The following PCNX2 variants were observed in gnomAD, a reference collection of about 807,000 sequenced individuals.
PCNX2 encodes pecanex-like protein 2.
Under a neutral mutation model 223.8 loss-of-function variants are expected in PCNX2, and 168 were observed. The observed-to-expected ratio is 0.75, with a 90% CI of 0.66 to 0.85. The LOEUF (loss-of-function observed/expected upper bound fraction) is 0.85. Among genes scored for constraint, PCNX2 ranks in the 40% least tolerant of loss-of-function variants. The probability of loss-of-function intolerance (pLI) is 0.00; values close to 1 mark genes in which losing one functional copy is unlikely to be tolerated. For missense variants in PCNX2, 2,507 were observed against 2,675.5 expected (o/e 0.94, Z 1.39); for synonymous variants, 1,006 against 1,052.6 (o/e 0.96, Z 0.86).
chr1:233,100,816 A>G (rs1674445936), intron 21 of PCNX2, among the ~76,000 whole-genome samples: 1 of 152,188 alleles, frequency 6.6e-6, no homozygotes, highest in African/African-American at 2.4e-5. Context: ...AATCCCACTC[A>G]TCACCTTTTC....
At chr1:233,228,710 CA>C (rs1285128857) in intron 9 of PCNX2, among the ~76,000 whole-genome samples, 1 of 152,244 alleles carries the variant, frequency 6.6e-6, no homozygotes, top group Non-Finnish European at 1.5e-5. Flanking sequence ...ACTAATCTGT[CA>C]ATGGATATTG....
intron 32 of PCNX2, among the ~76,000 whole-genome samples, chr1:232,997,102 G>T (rs139664589): frequency 6.6e-6 from 1 of 151,956 alleles, no homozygotes; most frequent in Non-Finnish European, 1.5e-5. Flanking sequence ...CCCCTGCCCC[G>T]CCTTTTTCCC....
intron 28 of PCNX2, 85 bp downstream of exon 28, chr1:233,014,580 A>G: frequency 9.5e-7 from 1 of 1,056,274 alleles, no homozygotes; most frequent in Non-Finnish European, 1.4e-6. Context: ...CAGCTTCAAA[A>G]TAAAGGAAAT....
At chr1:233,233,856 C>G (rs1658223315) in intron 9 of PCNX2, among the ~76,000 whole-genome samples, 2 of 152,040 alleles carry the variant, frequency 1.3e-5, no homozygotes. Context: ...AGCACACCTG[C>G]TTTCAGCCTC....
At chr1:233,032,348 C>A (rs917294228) in intron 25 of PCNX2, among the ~76,000 whole-genome samples, 1 of 152,154 alleles carries the variant, frequency 6.6e-6, no homozygotes. Flanking sequence ...GGTGATCCAC[C>A]CACCTCGGCC....
intron 4 of PCNX2, chr1:233,259,893 G>A (rs1378612440): frequency 1.2e-6 from 1 of 823,914 alleles, no homozygotes; most frequent in Admixed American, 6.2e-5. Flanking sequence ...CAAATGAAAA[G>A]CAATACAGTA....
At chr1:233,002,147 C>A (rs1314313411) in intron 28 of PCNX2, among the ~76,000 whole-genome samples, 1 of 151,950 alleles carries the variant, frequency 6.6e-6, no homozygotes, top group Non-Finnish European at 1.5e-5. Flanking sequence ...TTGGATTCAA[C>A]CACAATATGG....
At chr1:233,054,737 C>G (rs563944781) in intron 24 of PCNX2, 10 of 295,820 alleles carry the variant, frequency 3.4e-5, no homozygotes, top group African/African-American at 2.2e-4. Context: ...ATATATAATA[C>G]AAACAATCAT....
At chr1:233,297,415 T>C (rs1369780152), upstream of PCNX2, among the ~76,000 whole-genome samples, 1 of 152,236 alleles carries the variant, frequency 6.6e-6, no homozygotes, top group Non-Finnish European at 1.5e-5. Flanking sequence ...CTGCCTGTTA[T>C]CATATTGTAG....
chr1:233,020,851 A>G (rs188841830), intron 26 of PCNX2, among the ~76,000 whole-genome samples: 1 of 152,362 alleles, frequency 6.6e-6, no homozygotes, highest in African/African-American at 2.4e-5. Flanking sequence ...GAACTGACCC[A>G]GTTTATTAGG....
At chr1:233,197,237 G>A (rs1680787135) in intron 15 of PCNX2, among the ~76,000 whole-genome samples, 1 of 152,080 alleles carries the variant, frequency 6.6e-6, no homozygotes, top group Non-Finnish European at 1.5e-5. Context: ...ATTTTCAAAA[G>A]CTGAACTTTA....
intron 23 of PCNX2, among the ~76,000 whole-genome samples, chr1:233,079,709 T>C (rs1474143842): frequency 6.6e-6 from 1 of 152,088 alleles, no homozygotes; most frequent in Non-Finnish European, 1.5e-5. Flanking sequence ...CTCGGTGGAC[T>C]CAGGGGATAG....
At chr1:233,326,642 G>A in the PCNX2 span, among the ~76,000 whole-genome samples, 1 of 152,186 alleles carries the variant, frequency 6.6e-6, no homozygotes, top group Non-Finnish European at 1.5e-5. Context: ...TTATCTTTAT[G>A]TAACTCAGAA....
chr1:232,992,148 T>C (rs1184237814), intron 32 of PCNX2, among the ~76,000 whole-genome samples: 1 of 152,204 alleles, frequency 6.6e-6, no homozygotes, highest in African/African-American at 2.4e-5. Flanking sequence ...CCTGTCTTCT[T>C]CCAGCTCTCT....
chr1:233,224,857 C>T (rs536267165), intron 10 of PCNX2, among the ~76,000 whole-genome samples: 36 of 152,044 alleles, frequency 2.4e-4, no homozygotes, highest in Non-Finnish European at 4.6e-4. Flanking sequence ...GAACAGAAAA[C>T]CAAACACCAC....
chr1:233,317,515 C>G, the PCNX2 span, among the ~76,000 whole-genome samples: 1 of 152,162 alleles, frequency 6.6e-6, no homozygotes, highest in African/African-American at 2.4e-5. Flanking sequence ...ATTTGGTTTG[C>G]TCAGAAAGCA....
At chr1:233,006,412 A>C (rs1001544220) in intron 28 of PCNX2, among the ~76,000 whole-genome samples, 1 of 151,878 alleles carries the variant, frequency 6.6e-6, no homozygotes, top group African/African-American at 2.4e-5. Flanking sequence ...ATTGTTTACA[A>C]CCTTCCTGGA....
At chr1:233,113,345 T>C (rs1429252638) in intron 21 of PCNX2, among the ~76,000 whole-genome samples, 1 of 152,126 alleles carries the variant, frequency 6.6e-6, no homozygotes, top group Non-Finnish European at 1.5e-5. Flanking sequence ...ACATACACCT[T>C]GAGAAGCCAG....
At position 233,057,263 on chromosome 1, in the gene PCNX2, T is replaced by C; in HGVS notation, c.4104A>G (p.Thr1368=). Residue 1368 remains threonine (T), a synonymous_variant, in exon 24 of 34, where the codon ACA becomes ACG. Coordinates refer to ENST00000258229, the MANE Select transcript of PCNX2 (RefSeq NM_014801.4). ...YNTRRVDNSN[T]RLAVQIERDP... ...CTCTTTCAATTTGGACTGCCAGTCT[T>C]GTGTTGGAATTATCCACTCGCCTTG... is the stretch of plus-strand genomic sequence containing the variant. The C allele has an allele frequency of 3.7e-6, 6 of 1,610,644 alleles. No homozygotes were observed. Among genetic ancestry groups the C allele is most frequent in the Non-Finnish European group, 4.2e-6 (5 of 1,177,860 alleles).
Sources: allele counts gnomAD v4.1 joint callset (sites outside exome capture counted in the v4.1 genomes callset), GRCh38; gene constraint gnomAD v4.1.1; transcripts MANE v1.5; gene names NCBI Gene and HGNC (gene_info 2026-07-23, HGNC 2026-07-21).